IMMP2L: variants seen among roughly 807,000 people sequenced by gnomAD.
The protein encoded by IMMP2L is mitochondrial inner membrane protease subunit 2.
In IMMP2L, 18 loss-of-function variants were observed where a neutral mutation model predicts 19.3. The observed-to-expected ratio is 0.93, with a 90% CI of 0.64 to 1.38. The LOEUF is 1.38. Among genes scored for constraint, IMMP2L ranks in the 40% most tolerant of loss-of-function variants. The probability of loss-of-function intolerance (pLI) is 0.00; values close to 1 mark genes in which losing one functional copy is unlikely to be tolerated. For synonymous variants in IMMP2L, 76 were observed against 73.0 expected, an observed-to-expected ratio of 1.04 and a Z score of -0.21; for missense variants, 233 against 218.2, an observed-to-expected ratio of 1.07 and a Z score of -0.43.
chr7:110,813,043 G>A (rs778383087), intron 5 of IMMP2L, among the ~76,000 whole-genome samples: 1 of 151,934 alleles, frequency 6.6e-6, no homozygotes, highest in Non-Finnish European at 1.5e-5. Flanking sequence ...TTAGAGTTAC[G>A]AGGAATCACT....
intron 3 of IMMP2L, among the ~76,000 whole-genome samples, chr7:111,120,080 G>A (rs145918599): frequency 2.2e-4 from 33 of 152,194 alleles, no homozygotes; most frequent in African/African-American, 7.7e-4. Context: ...AATGGCAGAC[G>A]GTGAGGTAAA....
intron 4 of IMMP2L, among the ~76,000 whole-genome samples, chr7:110,902,793 G>C (rs1447795641): frequency 1.1e-5 from 1 of 89,778 alleles, no homozygotes. Flanking sequence ...TTAGCCGGGC[G>C]TAGTGGCGGG....
chr7:111,329,771 T>C (rs1220080228), intron 3 of IMMP2L, among the ~76,000 whole-genome samples: 1 of 151,890 alleles, frequency 6.6e-6, no homozygotes, highest in Non-Finnish European at 1.5e-5. Context: ...TTGGAAGGCA[T>C]ATGCCATTTG....
Position 111,123,730 on chromosome 7 carries a change from C to G in IMMP2L, c.240-160165G>C, listed in dbSNP as rs1440996514. ...AAGAAAAATAGAAGCTACTAACAAC[C>G]CTAGATTGTCTTACATTCACCCCAA... On this transcript the variant is annotated intron_variant, in intron 3 of 5. Transcript: ENST00000405709. This position sits in a 1 kb window ranked among gnomAD's most constrained non-coding sequence, Gnocchi z 6.4. 3 of 1,613,796 alleles carry G rather than the reference C, an allele frequency of 1.9e-6. No homozygotes were observed. The highest frequency in any genetic ancestry group is 2.5e-6 in the Non-Finnish European group (3 of 1,179,892).
intron 5 of IMMP2L, among the ~76,000 whole-genome samples, chr7:110,876,863 G>A (rs186057476): frequency 4.6e-5 from 7 of 152,040 alleles, no homozygotes; most frequent in South Asian, 4.2e-4. Flanking sequence ...AAATGTAAAC[G>A]GCTTTTTAGT....
intron 3 of IMMP2L, among the ~76,000 whole-genome samples, chr7:111,470,632 C>A (rs999766050): frequency 3.4e-5 from 5 of 148,536 alleles, no homozygotes; most frequent in East Asian, 2.0e-4. Flanking sequence ...GACAAAAAAA[C>A]CAAACACCGC....
chr7:111,034,800 AG>A (rs1389958092), intron 3 of IMMP2L, among the ~76,000 whole-genome samples: 3 of 152,160 alleles, frequency 2.0e-5, no homozygotes, highest in Admixed American at 2.0e-4. Flanking sequence ...TCTACTTCAA[AG>A]GGTAGCCTAG....
chr7:111,265,451 G>T (rs193003958), intron 3 of IMMP2L, among the ~76,000 whole-genome samples: 38 of 152,254 alleles, frequency 2.5e-4, no homozygotes, highest in African/African-American at 9.1e-4. Context: ...TTTGTCAGGA[G>T]CTGTACTAAT....
At chr7:110,676,019 T>C (rs1792271873) in intron 5 of IMMP2L, among the ~76,000 whole-genome samples, 1 of 152,210 alleles carries the variant, frequency 6.6e-6, no homozygotes, top group African/African-American at 2.4e-5. Flanking sequence ...TAGATATTAC[T>C]AATTGCATTT....
intron 3 of IMMP2L, among the ~76,000 whole-genome samples, chr7:111,274,804 AC>A (rs913977042): frequency 2.0e-5 from 3 of 152,238 alleles, no homozygotes; most frequent in African/African-American, 7.2e-5. Context: ...AGCAGGCAAC[AC>A]AGATAGAATA....
chr7:111,388,481 T>A (rs974542558), intron 3 of IMMP2L, among the ~76,000 whole-genome samples: 24 of 152,050 alleles, frequency 1.6e-4, no homozygotes, highest in Non-Finnish European at 2.9e-4. Context: ...GATGGAGATG[T>A]ATATGTATAT....
At chr7:111,085,621 ATTTC>A (rs760709377) in intron 3 of IMMP2L, among the ~76,000 whole-genome samples, 59 of 152,164 alleles carry the variant, frequency 3.9e-4, no homozygotes, top group Non-Finnish European at 7.2e-4. Context: ...GGCTGCACAT[ATTTC>A]TTTTTTTGAG....
chr7:111,427,296 A>G (rs1463125598), intron 3 of IMMP2L, among the ~76,000 whole-genome samples: 1 of 151,672 alleles, frequency 6.6e-6, no homozygotes, highest in East Asian at 1.9e-4. Context: ...TGTAGGTACT[A>G]TCAAATGATC....
intron 5 of IMMP2L, among the ~76,000 whole-genome samples, chr7:110,833,213 C>T (rs1028998353): frequency 3.3e-5 from 5 of 151,860 alleles, no homozygotes; most frequent in African/African-American, 1.2e-4. Context: ...CTGAGGCAGG[C>T]AGATTATCTG....
intron 5 of IMMP2L, among the ~76,000 whole-genome samples, chr7:110,834,666 C>T (rs749518610): frequency 1.3e-5 from 2 of 152,124 alleles, no homozygotes; most frequent in South Asian, 2.1e-4. Flanking sequence ...AAAAACTTAA[C>T]TCTTGAGTTG....
intron 5 of IMMP2L, among the ~76,000 whole-genome samples, chr7:110,731,749 A>G (rs550535961): frequency 3.3e-5 from 5 of 152,190 alleles, no homozygotes; most frequent in African/African-American, 9.6e-5. Flanking sequence ...TATTTATATC[A>G]TAAGTATGAG....
At chr7:110,696,454 T>A (rs1584529240) in intron 5 of IMMP2L, among the ~76,000 whole-genome samples, 1 of 123,730 alleles carries the variant, frequency 8.1e-6, no homozygotes, top group South Asian at 2.5e-4. Context: ...TGAGACAGAG[T>A]CTTGCTCTGT....
intron 5 of IMMP2L, among the ~76,000 whole-genome samples, chr7:110,671,992 A>G (rs1214308984): frequency 6.6e-6 from 1 of 152,080 alleles, no homozygotes; most frequent in Non-Finnish European, 1.5e-5. Flanking sequence ...TGAGCAATAC[A>G]TTTCTGTTTA....
chr7:110,956,686 A>G (rs1818388872), intron 4 of IMMP2L, among the ~76,000 whole-genome samples: 1 of 151,974 alleles, frequency 6.6e-6, no homozygotes, highest in Non-Finnish European at 1.5e-5. Context: ...AAAAGAGTCC[A>G]TTCCCTTACT....
Sources: gnomAD v4.1 joint callset for allele counts (sites outside exome capture counted in the v4.1 genomes callset) on GRCh38, gnomAD v4.1.1 for gene constraint, Gnocchi (gnomAD v3.1) non-coding constraint, MANE v1.5 for transcripts, NCBI Gene and HGNC (gene_info 2026-07-23, HGNC 2026-07-21) for gene names.